LPIN1: variants seen among roughly 807,000 people sequenced by gnomAD.
The protein encoded by LPIN1 is lipin 1, also known as phosphatidate phosphatase LPIN1.
Under a neutral mutation model 107.5 loss-of-function variants are expected in LPIN1, and 71 were observed. The ratio of observed to expected loss-of-function variants is 0.66; its 90% CI spans 0.55 to 0.80. LPIN1 has a LOEUF of 0.80. LPIN1 is among the 30% of genes least tolerant of loss of function. The pLI is 0.00. For missense variants in LPIN1, 1,043 were observed against 1,160.6 expected, an observed-to-expected ratio of 0.90 and a Z score of 1.47; for synonymous variants, 445 against 452.6, an observed-to-expected ratio of 0.98 and a Z score of 0.21.
At chr2:11,777,771 C>G (rs1034458546) in intron 6 of LPIN1, among the ~76,000 whole-genome samples, 5 of 152,212 alleles carry the variant, frequency 3.3e-5, no homozygotes, top group African/African-American at 1.2e-4. Flanking sequence ...CATTTAGTGA[C>G]AGTGAGATAA....
rs936252079 is a variant in LPIN1, at chr2:11,827,392, GAA to G, written c.*2603_*2604del. ...AAATATTGCAATAAATGAGACCGAT[GAA>G]AGACTTCTCTGAAAATCAGGTGTGT... On this transcript the variant is annotated 3_prime_UTR_variant, in exon 21 of 21. Coordinates refer to ENST00000674199, the MANE Select transcript of LPIN1 (RefSeq NM_001349206.2). The surrounding 1 kb of genome is among the most constrained non-coding windows in gnomAD (Gnocchi z 4.1). The G allele has an allele frequency of 9.9e-5, 15 of 152,162 alleles. No individual in the cohort carries two copies. The highest frequency in any genetic ancestry group is 3.6e-4 in the African/African-American group (15 of 41,430). 9.4% of individuals were successfully genotyped at this position (152,162 alleles called of 1,614,324 possible). A position where few individuals can be genotyped will look rare whatever the true frequency, so the allele number is the denominator to read the frequency against.
chr2:11,722,435 A>T (rs1461200108), upstream of LPIN1: 5 of 152,238 alleles, frequency 3.3e-5, no homozygotes, highest in African/African-American at 1.2e-4. Flanking sequence ...ATTCTCTTCC[A>T]AACAGGAGAT....
chr2:11,688,224 C>A (rs1404040196), intron 1 of LPIN1, among the ~76,000 whole-genome samples: 2 of 151,846 alleles, frequency 1.3e-5, no homozygotes, highest in African/African-American at 4.8e-5. Context: ...AGCTTGGAGC[C>A]CTCCCTTCTC....
At chr2:11,683,988 TC>T (rs1334110930) in intron 1 of LPIN1, among the ~76,000 whole-genome samples, 3 of 151,826 alleles carry the variant, frequency 2.0e-5, no homozygotes, top group Non-Finnish European at 4.4e-5. Flanking sequence ...CTCGGAAGAG[TC>T]TTCTTACTTT....
rs1488484932 is a variant in LPIN1, at chr2:11,697,489, T to A, written c.82-16267T>A. Among the ~76,000 whole-genome samples, 1 of 152,264 alleles carries A rather than the reference T, an allele frequency of 6.6e-6. No individual in the cohort carries two copies. The highest frequency in any genetic ancestry group is 1.5e-5 in the Non-Finnish European group (1 of 68,048). ...TGGTTTGGCCTAGAAGCTGGAAGTCTGCCCGAATCTGTGCGTCGTGTCTTG... is the reference window on the plus strand; with the variant it reads ...TGGTTTGGCCTAGAAGCTGGAAGTCAGCCCGAATCTGTGCGTCGTGTCTTG... On this transcript the variant is annotated intron_variant, in intron 1 of 21. Coordinates refer to the LPIN1 transcript ENST00000449576. This position sits in a 1 kb window ranked among gnomAD's most constrained non-coding sequence, Gnocchi z 4.6.
intron 17 of LPIN1, among the ~76,000 whole-genome samples, chr2:11,806,057 G>A (rs1263917713): frequency 6.6e-6 from 1 of 152,212 alleles, no homozygotes; most frequent in Non-Finnish European, 1.5e-5. Context: ...GCCTCTGCCT[G>A]AATCAGGACA....
At chr2:11,680,900 T>C (rs576052378) in intron 1 of LPIN1, among the ~76,000 whole-genome samples, 3 of 152,314 alleles carry the variant, frequency 2.0e-5, no homozygotes, top group East Asian at 3.9e-4. Context: ...CACCCTAGCA[T>C]TGTCAGTTAC....
chr2:11,704,914 G>A (rs1465510494), intron 1 of LPIN1, among the ~76,000 whole-genome samples: 7 of 152,206 alleles, frequency 4.6e-5, no homozygotes, highest in Non-Finnish European at 8.8e-5. Flanking sequence ...GGTCAATGGC[G>A]AGGCCTGGAG....
intron 1 of LPIN1, among the ~76,000 whole-genome samples, chr2:11,751,408 A>T (rs1440752112): frequency 6.6e-6 from 1 of 152,212 alleles, no homozygotes; most frequent in African/African-American, 2.4e-5. Context: ...AGAAAGCAAC[A>T]CTATGGGAAG....
chr2:11,812,440 G>A (rs975140430), intron 17 of LPIN1, among the ~76,000 whole-genome samples: 4 of 151,916 alleles, frequency 2.6e-5, no homozygotes, highest in African/African-American at 4.8e-5. Context: ...GTGTTTCATC[G>A]CATGGGGGAG....
chr2:11,751,792 C>A (rs900201067), intron 1 of LPIN1, among the ~76,000 whole-genome samples: 1 of 152,196 alleles, frequency 6.6e-6, no homozygotes, highest in Non-Finnish European at 1.5e-5. Flanking sequence ...GCGGAGCTTG[C>A]AGTGAGCCGA....
chr2:11,768,664 T>A (rs138790646), intron 3 of LPIN1, among the ~76,000 whole-genome samples: 1 of 152,108 alleles, frequency 6.6e-6, no homozygotes, highest in Non-Finnish European at 1.5e-5. Context: ...GGGCTGGGCA[T>A]GGTGGCTCAC....
At chr2:11,804,863 G>A (rs1189172519) in intron 16 of LPIN1, among the ~76,000 whole-genome samples, 1 of 152,010 alleles carries the variant, frequency 6.6e-6, no homozygotes, top group African/African-American at 2.4e-5. Context: ...CGGTCACCTC[G>A]ATGCATGATC....
chr2:11,778,442 C>G (rs1055147895), intron 6 of LPIN1, among the ~76,000 whole-genome samples: 1 of 152,214 alleles, frequency 6.6e-6, no homozygotes, highest in African/African-American at 2.4e-5. Context: ...GTTTAGCCCA[C>G]AAGGTCCCTG....
At chr2:11,745,717 A>G (rs1666832807), upstream of LPIN1, among the ~76,000 whole-genome samples, 1 of 152,198 alleles carries the variant, frequency 6.6e-6, no homozygotes, top group African/African-American at 2.4e-5. Flanking sequence ...CTCAAAAAGA[A>G]TTGGTTTGGA....
intron 1 of LPIN1, among the ~76,000 whole-genome samples, chr2:11,686,917 G>A (rs1471064864): frequency 1.3e-5 from 2 of 151,184 alleles, no homozygotes; most frequent in Non-Finnish European, 2.9e-5. Flanking sequence ...GATTATCTGT[G>A]GTCTAGATTT....
intron 1 of LPIN1, among the ~76,000 whole-genome samples, chr2:11,686,912 T>G (rs1662036265): frequency 6.6e-6 from 1 of 151,846 alleles, no homozygotes; most frequent in Admixed American, 6.6e-5. Context: ...GGCAGGATTA[T>G]CTGTGGTCTA....
At chr2:11,731,485 T>G (rs1665226238) in intron 1 of LPIN1, among the ~76,000 whole-genome samples, 1 of 152,252 alleles carries the variant, frequency 6.6e-6, no homozygotes, top group African/African-American at 2.4e-5. Context: ...TGATGGGCAT[T>G]TGAGTTGGTT....
At position 11,791,762 on chromosome 2, in the gene LPIN1, T is replaced by C. The variant is rs779426954; in HGVS notation, c.1714-152T>C. 20 of 1,487,814 alleles carry C rather than the reference T, an allele frequency of 1.3e-5. 1 individual carries two copies. Among genetic ancestry groups the C allele is most frequent in the Non-Finnish European group, 1.4e-5 (15 of 1,107,090 alleles). The allele number at this position is 1,487,814 out of a possible 1,614,324, so 92.2% of individuals were successfully genotyped here. ...TTTGGACGCCATTAGGTTTTGCTTC[T>C]CTAAAATTTTTAACGCACAAATAGT... On this transcript the variant is annotated intron_variant, in intron 12 of 20. Coordinates refer to ENST00000674199, the MANE Select transcript of LPIN1 (RefSeq NM_001349206.2).
Sources: allele counts gnomAD v4.1 joint callset (sites outside exome capture counted in the v4.1 genomes callset), GRCh38; gene constraint gnomAD v4.1.1; non-coding constraint Gnocchi (gnomAD v3.1); transcripts MANE v1.5; gene names NCBI Gene and HGNC (gene_info 2026-07-23, HGNC 2026-07-21).